The following NR2C2 variants were observed in gnomAD, a reference collection of about 807,000 sequenced individuals.
NR2C2 encodes the protein Nuclear hormone receptor TR4.
Under a neutral mutation model 62.9 loss-of-function variants are expected in NR2C2, and 6 were observed. That is an observed-to-expected ratio of 0.10 (90% CI 0.05 to 0.19). NR2C2 has a LOEUF of 0.19. Ranked by LOEUF, NR2C2 falls within the 10% of genes least tolerant of loss-of-function variation. NR2C2 has a pLI of 1.00. For missense variants in NR2C2, 479 were observed against 762.7 expected (o/e 0.63, Z 4.38); for synonymous variants, 272 against 273.8 (o/e 0.99, Z 0.07).
intron 1 of NR2C2, among the ~76,000 whole-genome samples, chr3:14,952,276 G>A (rs2039388517): frequency 6.6e-6 from 1 of 152,216 alleles, no homozygotes; most frequent in Admixed American, 6.5e-5. Context: ...CAAGGGAGGT[G>A]AGTCTTTGTG....
intron 1 of NR2C2, among the ~76,000 whole-genome samples, chr3:14,973,568 T>A (rs2040112542): frequency 6.6e-6 from 1 of 152,088 alleles, no homozygotes; most frequent in Non-Finnish European, 1.5e-5. Context: ...CTACATTTAG[T>A]ACTAAATTTT....
chr3:15,004,604 CAA>C, intron 2 of NR2C2: 1 of 1,612,372 alleles, frequency 6.2e-7, no homozygotes. Flanking sequence ...CATCTTTGAA[CAA>C]AGAGAAGGTA....
At chr3:15,031,282 T>C (rs1310898140) in intron 9 of NR2C2, among the ~76,000 whole-genome samples, 1 of 152,168 alleles carries the variant, frequency 6.6e-6, no homozygotes, top group Non-Finnish European at 1.5e-5. Context: ...TTCACTGGTC[T>C]CACTTTTTCT....
rs544928065 is a variant in NR2C2 at position 14,968,883 on chromosome 3, G to T, written c.-40+20977G>T. 5.5e-5 allele frequency among the ~76,000 whole-genome samples: 8 copies of T among 146,152 alleles called. No homozygotes were observed. In the South Asian group the frequency reaches 1.8e-3, roughly 32 times the overall value. The stretch of plus-strand genomic sequence containing the variant: ...CATCATTCTCAGTAAACTATCGCAA[G>T]AACAAAAAACCAAACACCGCATATT... On this transcript the variant is annotated intron_variant, in intron 1 of 13. Coordinates refer to ENST00000425241, the MANE Select transcript of NR2C2 (RefSeq NM_001291694.2).
At chr3:15,004,669 G>C in intron 2 of NR2C2, 1 of 1,579,074 alleles carries the variant, frequency 6.3e-7, no homozygotes, top group Non-Finnish European at 8.7e-7. Flanking sequence ...ATATATTGAT[G>C]ACAAAGATTT....
At chr3:15,039,058 A>T in intron 12 of NR2C2, 64 bp from the exon 13 acceptor site, 1 of 1,163,646 alleles carries the variant, frequency 8.6e-7, no homozygotes, top group Non-Finnish European at 1.3e-6. Flanking sequence ...AAGTACTAAG[A>T]AGTCTACAAG....
rs187359415 is a variant in NR2C2 at position 14,979,367 on chromosome 3, G to A, written c.-39-24509G>A. 6.6e-5 allele frequency among the ~76,000 whole-genome samples: 10 copies of A among 152,286 alleles called. No homozygotes were observed. In the East Asian group the frequency reaches 1.9e-3, roughly 29 times the overall value. Reference sequence around the variant, plus strand: ...ATGTATCCATTCAGCAACTGTTTAAGGAGTGCTTACTGTGTACTAGGCATT... The same window carrying A: ...ATGTATCCATTCAGCAACTGTTTAAAGAGTGCTTACTGTGTACTAGGCATT... On this transcript the variant is annotated intron_variant, in intron 1 of 13. Coordinates refer to ENST00000425241, the MANE Select transcript of NR2C2 (RefSeq NM_001291694.2).
chr3:15,042,825 C>T lies in NR2C2; in HGVS notation c.1617-9C>T, dbSNP rs773138413. Reference sequence around the variant, plus strand: ...CAGTCTCCTTTTCTAATGACACTCCCTTTTATAGATTGGCCCGGATCCTCG... The same window carrying T: ...CAGTCTCCTTTTCTAATGACACTCCTTTTTATAGATTGGCCCGGATCCTCG... On this transcript the variant is annotated splice_polypyrimidine_tract_variant and intron_variant, in intron 13 of 13. Transcript: ENST00000425241. The T allele has an allele frequency of 9.9e-6, 16 of 1,612,634 alleles. No homozygotes were observed. In the South Asian group the frequency reaches 1.7e-4, roughly 17 times the overall value.
At chr3:15,027,419 C>T (rs904304232) in intron 7 of NR2C2, among the ~76,000 whole-genome samples, 1 of 152,276 alleles carries the variant, frequency 6.6e-6, no homozygotes, top group African/African-American at 2.4e-5. Flanking sequence ...CATTTCTCCA[C>T]ATCCTTACCA....
intron 1 of NR2C2, chr3:14,959,295 T>C (rs959984836): frequency 2.6e-5 from 4 of 152,194 alleles, no homozygotes; most frequent in Non-Finnish European, 5.9e-5. Context: ...AAGATTCTGT[T>C]TTACTTCTTA....
intron 1 of NR2C2, among the ~76,000 whole-genome samples, chr3:14,974,396 T>A (rs1663152254): frequency 6.6e-6 from 1 of 152,196 alleles, no homozygotes; most frequent in African/African-American, 2.4e-5. Flanking sequence ...ATATGAAGGT[T>A]AATGGATTTT....
intron 3 of NR2C2, among the ~76,000 whole-genome samples, chr3:15,014,469 C>CT (rs2041447670): frequency 6.8e-6 from 1 of 146,500 alleles, no homozygotes; most frequent in African/African-American, 2.6e-5. Flanking sequence ...GGTTGTGTTT[C>CT]ATTTTTTTTT....
chr3:14,979,475 T>TA (rs975943117), intron 1 of NR2C2, among the ~76,000 whole-genome samples: 1 of 152,072 alleles, frequency 6.6e-6, no homozygotes, highest in African/African-American at 2.4e-5. Flanking sequence ...TAAACAAAAA[T>TA]AAAATGTGAA....
At chr3:14,983,542 A>G (rs1291573872) in intron 1 of NR2C2, among the ~76,000 whole-genome samples, 1 of 151,806 alleles carries the variant, frequency 6.6e-6, no homozygotes, top group Non-Finnish European at 1.5e-5. Context: ...ATCTGTGTTC[A>G]TGAGTGAGAT....
intron 8 of NR2C2, among the ~76,000 whole-genome samples, chr3:15,029,068 T>C (rs1447161245): frequency 6.6e-6 from 1 of 151,974 alleles, no homozygotes; most frequent in Non-Finnish European, 1.5e-5. Flanking sequence ...CTTTCCTACT[T>C]CTATTTTAAC....
intron 2 of NR2C2, among the ~76,000 whole-genome samples, chr3:15,011,904 T>C (rs1309861057): frequency 6.6e-6 from 1 of 152,254 alleles, no homozygotes; most frequent in Non-Finnish European, 1.5e-5. Flanking sequence ...AATGTCATGC[T>C]TTCTCTGTTT....
In NR2C2 at chr3:14,960,791, TTTTC is replaced by T. The variant is rs566314179; in HGVS notation, c.-40+12887_-40+12890del. ...CTATCCATTTCTTTAAAAATTCTTATTTTCTGTTTTGAGGAAGAATCAGACTCTA... is the reference window on the plus strand; with the variant it reads ...CTATCCATTTCTTTAAAAATTCTTATTGTTTTGAGGAAGAATCAGACTCTA... On this transcript the variant is annotated intron_variant, in intron 1 of 13. Coordinates refer to ENST00000425241, the MANE Select transcript of NR2C2 (RefSeq NM_001291694.2). Among the ~76,000 whole-genome samples the T allele has an allele frequency of 1.3e-4, 20 of 152,336 alleles. No individual in the cohort carries two copies. In the East Asian group the frequency reaches 3.9e-3, roughly 29 times the overall value.
intron 13 of NR2C2, 174 bp from the exon 14 acceptor site, chr3:15,042,660 C>G: frequency 3.4e-6 from 2 of 593,748 alleles, no homozygotes. Flanking sequence ...TTGGTTTTTT[C>G]TCATGATAAA....
At chr3:14,970,544 C>T (rs903839457) in intron 1 of NR2C2, among the ~76,000 whole-genome samples, 2 of 152,140 alleles carry the variant, frequency 1.3e-5, no homozygotes, top group African/African-American at 4.8e-5. Context: ...CTGAATTTGA[C>T]TTCTCTAGGT....
Sources: allele counts gnomAD v4.1 joint callset (sites outside exome capture counted in the v4.1 genomes callset), GRCh38; gene constraint gnomAD v4.1.1; transcripts MANE v1.5; gene names NCBI Gene and HGNC (gene_info 2026-07-23, HGNC 2026-07-21).